MTMR10: variants seen among roughly 807,000 people sequenced by gnomAD.
The protein encoded by MTMR10 is myotubularin related protein 10.
Under a neutral mutation model 88.1 loss-of-function variants are expected in MTMR10, and 56 were observed. The ratio of observed to expected loss-of-function variants is 0.64; its 90% CI spans 0.51 to 0.79. The LOEUF (loss-of-function observed/expected upper bound fraction) is 0.79. Ranked by LOEUF, MTMR10 falls within the 30% of genes least tolerant of loss-of-function variation. The pLI, the probability that MTMR10 is intolerant of heterozygous loss-of-function variation, is 0.00. For missense variants in MTMR10, 883 were observed against 924.7 expected (o/e 0.95, Z 0.58); for synonymous variants, 380 against 340.9 (o/e 1.11, Z -1.26).
the MTMR10 span, among the ~76,000 whole-genome samples, chr15:30,922,939 C>T: frequency 6.6e-6 from 1 of 152,246 alleles, no homozygotes; most frequent in Non-Finnish European, 1.5e-5. Flanking sequence ...CCACCACAGC[C>T]AGGCGGGTGA....
chr15:30,939,830 AAATGTTT>A lies in MTMR10; in HGVS notation c.*1633_*1639del. On this transcript the variant is annotated 3_prime_UTR_variant, in exon 16 of 16. Coordinates refer to ENST00000435680, the MANE Select transcript of MTMR10 (RefSeq NM_017762.3). ...GTCTGGTTTCTAATCAAGGACTGTAAAATGTTTAATAATTCTATTTGTATAAACTGAA... is the reference window on the plus strand; with the variant it reads ...GTCTGGTTTCTAATCAAGGACTGTAAAATAATTCTATTTGTATAAACTGAA... 1.0e-6 allele frequency: 1 copy of A among 985,254 alleles called. No homozygotes were observed. Among genetic ancestry groups the A allele is most frequent in the Non-Finnish European group, 1.2e-6 (1 of 829,758 alleles). The allele number at this position is 985,254 out of a possible 1,614,324, so 61.0% of individuals were successfully genotyped here. A position where few individuals can be genotyped will look rare whatever the true frequency, so the allele number is the denominator to read the frequency against.
the MTMR10 span, among the ~76,000 whole-genome samples, chr15:30,922,861 C>T: frequency 6.6e-6 from 1 of 152,232 alleles, no homozygotes; most frequent in African/African-American, 2.4e-5. Context: ...GTTGTTTGAC[C>T]TTGAGCAGGC....
intron 11 of MTMR10, among the ~76,000 whole-genome samples, chr15:30,952,717 C>T (rs2063266871): frequency 6.6e-6 from 1 of 151,936 alleles, no homozygotes; most frequent in South Asian, 2.1e-4. Context: ...TGGTTGTGAA[C>T]TACTGGCCTC....
At chr15:30,991,401 G>C (rs767281022) in intron 1 of MTMR10, 46 bp downstream of exon 1, 1 of 1,431,342 alleles carries the variant, frequency 7.0e-7, no homozygotes, top group Non-Finnish European at 9.2e-7. Flanking sequence ...GAGGCTCCAC[G>C]GAAGCGCAGA....
intron 14 of MTMR10, among the ~76,000 whole-genome samples, chr15:30,945,009 T>TA (rs77847532): frequency 0.029 from 3,953 of 137,470 alleles, 163 homozygotes; most frequent in African/African-American, 0.09. Context: ...CAAACTGTCT[T>TA]AAAAAAAAAA....
the MTMR10 span, chr15:30,922,435 A>C: frequency 3.0e-6 from 4 of 1,341,360 alleles, no homozygotes; most frequent in South Asian, 4.0e-5. Context: ...AATGCCTTAA[A>C]ATTTACATGT....
At chr15:30,933,572 G>A in the MTMR10 span, among the ~76,000 whole-genome samples, 5 of 152,122 alleles carry the variant, frequency 3.3e-5, no homozygotes, top group African/African-American at 1.2e-4. Context: ...TATTCTGTTT[G>A]TACTTGAAAA....
chr15:30,946,831 C>A (rs905715200), intron 14 of MTMR10: 3 of 673,198 alleles, frequency 4.5e-6, no homozygotes, highest in Non-Finnish European at 5.4e-6. Flanking sequence ...TACCCAATAG[C>A]CCAAATGTGA....
At position 30,948,345 on chromosome 15, in the gene MTMR10, T is replaced by C. The variant is rs2063200021; in HGVS notation, c.1334A>G (p.Gln445Arg). 5 of 1,613,756 alleles carry C rather than the reference T, an allele frequency of 3.1e-6. No individual in the cohort carries two copies. Among genetic ancestry groups the C allele is most frequent in the Admixed American group, 3.3e-5 (2 of 59,998 alleles). Reference sequence around the variant, plus strand: ...TAGATGGTTGCATCTGTCTAGAAACTGATATCCTGCCATGACCCACTCCTT... The same window carrying C: ...TAGATGGTTGCATCTGTCTAGAAACCGATATCCTGCCATGACCCACTCCTT... Reference protein sequence around the residue: ...IQKEWVMAGYQFLDRCNHLKR... With the variant: ...IQKEWVMAGYRFLDRCNHLKR... Residue 445 changes from glutamine to arginine, a missense_variant, in exon 13 of 16, where the codon CAG becomes CGG. Physicochemically the swap from Gln to Arg is conservative, Grantham distance 43 (BLOSUM62 1). This residue lies in a region of MTMR10 where 126 missense variants were observed against 178.2 expected (regional missense o/e 0.71). Transcript: ENST00000435680.
At chr15:30,937,018 G>C (rs140691676), downstream of MTMR10, 9 of 886,418 alleles carry the variant, frequency 1.0e-5, no homozygotes, top group Admixed American at 2.0e-4. Flanking sequence ...TGAGAGAGCA[G>C]AAGAGCCATT....
At chr15:30,927,006 G>T in the MTMR10 span, 6 of 985,312 alleles carry the variant, frequency 6.1e-6, no homozygotes, top group Non-Finnish European at 7.2e-6. Flanking sequence ...TGCACAGCAT[G>T]GACCACTTAG....
intron 9 of MTMR10, among the ~76,000 whole-genome samples, chr15:30,955,553 A>G (rs867053889): frequency 6.6e-6 from 1 of 152,188 alleles, no homozygotes; most frequent in Non-Finnish European, 1.5e-5. Flanking sequence ...TACAGGCGTG[A>G]GCCACCGCGC....
Position 30,941,897 on chromosome 15 carries a change from G to A in MTMR10, c.1907C>T (p.Ser636Phe). 1 of 1,614,026 alleles carries A rather than the reference G, an allele frequency of 6.2e-7. No individual in the cohort carries two copies. Among genetic ancestry groups the A allele is most frequent in the Non-Finnish European group, 8.5e-7 (1 of 1,179,896 alleles). ...DTEQYFREWF[S>F]KPANLHGVIL... ...AACACCGTGCAGGTTGGCGGGTTTG[G>A]AAAACCATTCTCTAAAATACTGCTC... The change falls in exon 16 of 16, where the codon TCC becomes TTC. Residue 636 changes from serine to phenylalanine, a missense_variant. By Grantham distance (155) the Ser-to-Phe change is radical (BLOSUM62 -2). This residue lies in a region of MTMR10 where 343 missense variants were observed against 323.2 expected (regional missense o/e 1.06). Transcript: ENST00000435680.
At chr15:30,954,090 G>C (rs907039169) in intron 10 of MTMR10, among the ~76,000 whole-genome samples, 1 of 152,178 alleles carries the variant, frequency 6.6e-6, no homozygotes, top group African/African-American at 2.4e-5. Context: ...CACTGCATGA[G>C]GACAGGCATC....
At chr15:30,928,771 G>A in the MTMR10 span, 15 of 1,547,186 alleles carry the variant, frequency 9.7e-6, no homozygotes, top group Non-Finnish European at 1.3e-5. Context: ...ACGGTCCTTT[G>A]GGTCATCCAC....
chr15:30,945,984 A>G (rs1372766459), intron 14 of MTMR10, among the ~76,000 whole-genome samples: 1 of 152,138 alleles, frequency 6.6e-6, no homozygotes, highest in Non-Finnish European at 1.5e-5. Context: ...AGACAGGCTG[A>G]CGGTGTTGAG....
chr15:30,952,567 A>G (rs1191630128), intron 11 of MTMR10, among the ~76,000 whole-genome samples: 1 of 149,838 alleles, frequency 6.7e-6, no homozygotes, highest in Non-Finnish European at 1.5e-5. Flanking sequence ...GCATCTCACT[A>G]TGTTCCTCGG....
intron 6 of MTMR10, among the ~76,000 whole-genome samples, chr15:30,963,654 T>TAGACAGAC (rs1555409482): frequency 2.7e-5 from 4 of 145,874 alleles, no homozygotes; most frequent in African/African-American, 1.1e-4. Flanking sequence ...AATAGACAGA[T>TAGACAGAC]AGATAGATAG....
At chr15:30,983,177 A>G (rs2030704438) in intron 2 of MTMR10, among the ~76,000 whole-genome samples, 1 of 152,310 alleles carries the variant, frequency 6.6e-6, no homozygotes, top group Admixed American at 6.5e-5. Flanking sequence ...GTGCTATGCC[A>G]TCAGCCACGG....
Sources: gnomAD v4.1 joint callset for allele counts (sites outside exome capture counted in the v4.1 genomes callset) on GRCh38, gnomAD v4.1.1 for gene constraint, gnomAD v4.1.1 regional missense constraint, MANE v1.5 for transcripts, NCBI Gene and HGNC (gene_info 2026-07-23, HGNC 2026-07-21) for gene names.